Variants in RABGAP1 observed in about 807,000 individuals in gnomAD.
RABGAP1 encodes the protein RAB GTPase activating protein 1.
RABGAP1 carries 23 observed loss-of-function variants against 137.6 expected under a neutral mutation model. The observed-to-expected ratio is 0.17, with a 90% confidence interval of 0.12 to 0.24. RABGAP1 has a LOEUF of 0.24. RABGAP1 is among the 10% of genes least tolerant of loss of function. The probability of loss-of-function intolerance (pLI) is 1.00; values close to 1 mark genes in which losing one functional copy is unlikely to be tolerated. For missense variants in RABGAP1, 906 were observed against 1,275.8 expected (o/e 0.71, Z 4.42); for synonymous variants, 451 against 450.7 (o/e 1.00, Z -0.01).
intron 10 of RABGAP1, 59 bp from the exon 11 acceptor site, chr9:123,010,295 A>G (rs1156914527): frequency 1.3e-5 from 19 of 1,432,254 alleles, no homozygotes; most frequent in African/African-American, 2.9e-5. Context: ...AAACACTGCA[A>G]TTAATTAAAA....
chr9:123,026,638 G>A (rs1457148460), intron 13 of RABGAP1, among the ~76,000 whole-genome samples: 1 of 152,138 alleles, frequency 6.6e-6, no homozygotes, highest in African/African-American at 2.4e-5. Flanking sequence ...AGCTTAATAA[G>A]TAATCCACAG....
intron 21 of RABGAP1, among the ~76,000 whole-genome samples, chr9:123,093,041 C>G (rs1588408283): frequency 6.6e-6 from 1 of 152,284 alleles, no homozygotes; most frequent in East Asian, 1.9e-4. Flanking sequence ...TGAAAATCAG[C>G]TAGATTCTTC....
chr9:122,981,600 TCAGGTAGGGCCCAA>T (rs1301929245), intron 2 of RABGAP1, among the ~76,000 whole-genome samples: 1 of 152,164 alleles, frequency 6.6e-6, no homozygotes, highest in East Asian at 1.9e-4. Context: ...AATTGGAAAC[TCAGGTAGGGCCCAA>T]CAGTCTGTCT....
chr9:122,989,812 A>G, intron 5 of RABGAP1: 1 of 508,966 alleles, frequency 2.0e-6, no homozygotes, highest in Non-Finnish European at 3.4e-6. Context: ...ATAGTTTCTA[A>G]CAATTTAGGA....
At chr9:122,956,686 A>G (rs978894539) in intron 1 of RABGAP1, among the ~76,000 whole-genome samples, 5 of 152,024 alleles carry the variant, frequency 3.3e-5, no homozygotes, top group Middle Eastern at 3.4e-3. Flanking sequence ...TAGAAAACAG[A>G]AGGCTAATAC....
intron 6 of RABGAP1, among the ~76,000 whole-genome samples, chr9:122,991,561 T>A (rs1237813461): frequency 6.6e-6 from 1 of 152,066 alleles, no homozygotes; most frequent in East Asian, 1.9e-4. Context: ...TGACTCATTG[T>A]GCTCTATGCT....
At chr9:123,008,052 A>T (rs889069648) in intron 10 of RABGAP1, among the ~76,000 whole-genome samples, 1 of 151,866 alleles carries the variant, frequency 6.6e-6, no homozygotes, top group Non-Finnish European at 1.5e-5. Context: ...ATTCAAACAT[A>T]TGCAGAAATT....
chr9:122,989,845 T>G, intron 5 of RABGAP1: 1 of 546,470 alleles, frequency 1.8e-6, no homozygotes, highest in Non-Finnish European at 3.1e-6. Context: ...ATTGGATTTA[T>G]AGTGCTTACA....
At chr9:123,082,928 G>A (rs1413125798) in intron 19 of RABGAP1, among the ~76,000 whole-genome samples, 1 of 152,206 alleles carries the variant, frequency 6.6e-6, no homozygotes, top group Non-Finnish European at 1.5e-5. Flanking sequence ...CAAATTGTTT[G>A]TGTAGTTAGT....
upstream of RABGAP1, chr9:122,939,068 G>T (rs920876410): frequency 1.3e-5 from 2 of 152,176 alleles, no homozygotes; most frequent in Non-Finnish European, 2.9e-5. Flanking sequence ...CAGAATATTT[G>T]ATTGTAGTTA....
At chr9:122,958,242 C>A (rs546539703) in intron 2 of RABGAP1, among the ~76,000 whole-genome samples, 8 of 152,318 alleles carry the variant, frequency 5.3e-5, no homozygotes, top group Admixed American at 1.3e-4. Flanking sequence ...CCCATGTCTG[C>A]CTCCCCCAGG....
At chr9:123,039,575 A>G (rs919197477) in intron 13 of RABGAP1, among the ~76,000 whole-genome samples, 1 of 152,150 alleles carries the variant, frequency 6.6e-6, no homozygotes, top group Non-Finnish European at 1.5e-5. Context: ...TTAAATAATA[A>G]ATAATATCTC....
At chr9:123,017,989 A>G (rs959336087) in intron 12 of RABGAP1, among the ~76,000 whole-genome samples, 1 of 151,980 alleles carries the variant, frequency 6.6e-6, no homozygotes, top group African/African-American at 2.4e-5. Flanking sequence ...TAATTCTCCA[A>G]GTTCATTTTT....
intron 13 of RABGAP1, among the ~76,000 whole-genome samples, chr9:123,055,185 A>T (rs2033639979): frequency 6.6e-6 from 1 of 151,884 alleles, no homozygotes. Context: ...ACTCCTGGAT[A>T]TTTCTTTTAT....
chr9:123,085,907 G>A (rs574314942), intron 19 of RABGAP1, among the ~76,000 whole-genome samples: 35 of 152,236 alleles, frequency 2.3e-4, no homozygotes, highest in African/African-American at 8.4e-4. Context: ...CTTTATTAAG[G>A]TAAAAAGGAA....
chr9:123,029,303 AAT>A, intron 13 of RABGAP1: 1 of 599,614 alleles, frequency 1.7e-6, no homozygotes, highest in Non-Finnish European at 3.0e-6. Flanking sequence ...TTAATTAATC[AAT>A]GTTTAAAGCT....
intron 1 of RABGAP1, among the ~76,000 whole-genome samples, chr9:122,949,662 C>A (rs1834120839): frequency 6.9e-6 from 1 of 144,678 alleles, no homozygotes; most frequent in African/African-American, 2.7e-5. Context: ...ACCACTGCAT[C>A]CAGCCTGGGT....
chr9:123,048,139 A>G (rs1403233810), intron 13 of RABGAP1, among the ~76,000 whole-genome samples: 2 of 152,004 alleles, frequency 1.3e-5, no homozygotes, highest in African/African-American at 2.4e-5. Context: ...GGGTTTCACC[A>G]TGTTGGCCAG....
At chr9:123,018,432 C>A (rs1455886080) in intron 12 of RABGAP1, among the ~76,000 whole-genome samples, 6 of 152,154 alleles carry the variant, frequency 3.9e-5, no homozygotes, top group Non-Finnish European at 8.8e-5. Context: ...GTTTTGCAGG[C>A]TAATAGTCTG....
Sources: allele counts gnomAD v4.1 joint callset (sites outside exome capture counted in the v4.1 genomes callset), GRCh38; gene constraint gnomAD v4.1.1; transcripts MANE v1.5; gene names NCBI Gene and HGNC (gene_info 2026-07-23, HGNC 2026-07-21).